IFI16: variants seen among roughly 807,000 people sequenced by gnomAD.
IFI16 encodes the protein gamma-interferon-inducible protein 16.
A neutral mutation model predicts 68.4 loss-of-function variants in IFI16; 49 were observed. The observed-to-expected ratio is 0.72, with a 90% CI of 0.57 to 0.91. The LOEUF is 0.91. IFI16 is among the 40% of genes least tolerant of loss of function. The pLI is 0.00. For missense variants in IFI16, 878 were observed against 942.9 expected (o/e 0.93, Z 0.90); for synonymous variants, 307 against 315.0 (o/e 0.97, Z 0.27).
At chr1:159,015,409 A>T (rs889657850) in intron 2 of IFI16, among the ~76,000 whole-genome samples, 29 of 152,082 alleles carry the variant, frequency 1.9e-4, no homozygotes, top group African/African-American at 7.0e-4. Flanking sequence ...ATATCAAGTT[A>T]AAAAAAAGGA....
At chr1:159,011,382 CAAA>C (rs67588505) in intron 1 of IFI16, among the ~76,000 whole-genome samples, 3 of 133,368 alleles carry the variant, frequency 2.2e-5, no homozygotes, top group Non-Finnish European at 3.1e-5. Context: ...GGCTCTGTCT[CAAA>C]AAAAAAAAAA....
At position 159,018,228 on chromosome 1, in the gene IFI16, G is replaced by T; in HGVS notation, c.550-1G>T. On this transcript the variant is annotated splice_acceptor_variant, in intron 4 of 11. Transcript: ENST00000295809. LOFTEE classifies it high-confidence loss of function. ...TTGTTCTCCTGTGCTATCATACACA[G>T]AACCCGAAAACAGTGGCCAAATGTC... 6.2e-7 allele frequency: 1 copy of T among 1,612,500 alleles called. No homozygotes were observed. Among genetic ancestry groups the T allele is most frequent in the South Asian group, 1.1e-5 (1 of 90,986 alleles).
rs763872348 is a variant in IFI16, at chr1:159,016,682, C to T, written c.531C>T (p.Pro177=). The T allele has an allele frequency of 6.2e-7, 1 of 1,613,860 alleles. No individual in the cohort carries two copies. Among genetic ancestry groups the T allele is most frequent in the East Asian group, 2.2e-5 (1 of 44,876 alleles). The part of the protein sequence containing the change: ...PSPKTSLSAP[P]NSSSTENPKT... Reference sequence around the variant, plus strand: ...CCAAGACCTCATTGTCAGCTCCACCCAACAGTTCTTCAACTGAGGTACACT... The same window carrying T: ...CCAAGACCTCATTGTCAGCTCCACCTAACAGTTCTTCAACTGAGGTACACT... Residue 177 remains proline (P), a synonymous_variant, in exon 4 of 12, where the codon CCC becomes CCT. Coordinates refer to ENST00000295809, the MANE Select transcript of IFI16 (RefSeq NM_001376587.1).
intron 1 of IFI16, among the ~76,000 whole-genome samples, chr1:159,011,731 C>T (rs1439880369): frequency 6.6e-6 from 1 of 152,060 alleles, no homozygotes; most frequent in African/African-American, 2.4e-5. Context: ...CATAGATAAA[C>T]TGGCTTTCTT....
At chr1:159,002,318 A>T (rs899302239), upstream of IFI16, among the ~76,000 whole-genome samples, 6 of 152,172 alleles carry the variant, frequency 3.9e-5, no homozygotes, top group Non-Finnish European at 8.8e-5. Flanking sequence ...TAAAAAAATT[A>T]AAAAAGAAAG....
In IFI16 at chr1:159,046,272, C is replaced by T. The variant is rs548884441; in HGVS notation, c.1497+808C>T. On this transcript the variant is annotated intron_variant, in intron 8 of 11. Coordinates refer to ENST00000295809, the MANE Select transcript of IFI16 (RefSeq NM_001376587.1). Reference sequence around the variant, plus strand: ...AATTATTTCCTTAGGTCCTGTGCACCTTGTGTCAGGGTACTAATGTCATGG... The same window carrying T: ...AATTATTTCCTTAGGTCCTGTGCACTTTGTGTCAGGGTACTAATGTCATGG... Among the ~76,000 whole-genome samples the T allele has an allele frequency of 7.6e-4, 115 of 151,086 alleles. 2 individuals are homozygous for T. Among genetic ancestry groups the T allele is most frequent in the South Asian group, 3.3e-3 (16 of 4,792 alleles).
At chr1:159,013,809 G>A (rs856067) in intron 1 of IFI16, among the ~76,000 whole-genome samples, 103,620 of 151,846 alleles carry the variant, frequency 0.68, 37,069 homozygotes, top group Admixed American at 0.81. Context: ...GATACAAGGA[G>A]TACAAAGGTA....
intron 7 of IFI16, among the ~76,000 whole-genome samples, 171 bp downstream of exon 7, chr1:159,032,862 T>C (rs1237376202): frequency 6.6e-6 from 1 of 152,104 alleles, no homozygotes; most frequent in East Asian, 1.9e-4. Context: ...TAGCACCACA[T>C]CATAATCTTT....
Position 159,051,693 on chromosome 1 carries a change from G to A in IFI16, c.1680G>A (p.Leu560=), listed in dbSNP as rs767639754. The A allele has an allele frequency of 6.2e-7, 1 of 1,610,936 alleles. No individual in the cohort carries two copies. The highest frequency in any genetic ancestry group is 8.5e-7 in the Non-Finnish European group (1 of 1,177,812). The change falls in exon 10 of 12, where the codon CTG becomes CTA. Residue 560 remains leucine (L), a synonymous_variant. Transcript: ENST00000295809. ...SSFLTTLKPR[L]KTEPEEVSIE... is the part of the protein sequence containing the mutation. ...TACCTTCTAAGTTGAAACCAAGACT[G>A]AAGACTGAACCTGAAGAAGTTTCCA...
chr1:159,016,711 C>G lies in IFI16; in HGVS notation c.549+11C>G, dbSNP rs373115195. On this transcript the variant is annotated intron_variant, in intron 4 of 11. Transcript: ENST00000295809. ...AGTTCTTCAACTGAGGTACACTCTT[C>G]CTGGTCCCATTTTGCTTTGTTTTTT... The G allele has an allele frequency of 1.8e-5, 29 of 1,601,144 alleles. No individual in the cohort carries two copies. In the African/African-American group the frequency reaches 3.6e-4, roughly 20 times the overall value.
rs201187989 is a variant in IFI16, at chr1:159,019,466, CT to C, written c.972+829del. Among the ~76,000 whole-genome samples, 777 of 143,618 alleles carry C rather than the reference CT, an allele frequency of 5.4e-3. 4 individuals carry two copies. Among genetic ancestry groups the C allele is most frequent in the African/African-American group, 0.013 (508 of 39,030 alleles). The allele number at this position is 143,618 out of a possible 152,430, so 94.2% of individuals were successfully genotyped here. On this transcript the variant is annotated intron_variant, in intron 5 of 11. Transcript: ENST00000295809. ...ACCTGCGTTACTTTCTGTACACAGT[CT>C]TTTTTTTTTTTTTGAGACGGAGTCT...
intron 1 of IFI16, among the ~76,000 whole-genome samples, chr1:159,012,297 A>G (rs904272387): frequency 3.3e-5 from 5 of 152,274 alleles, no homozygotes; most frequent in African/African-American, 1.2e-4. Context: ...AGATGAAAGC[A>G]CCTCTTCTGT....
At chr1:159,019,700 C>A (rs1049835794) in intron 5 of IFI16, among the ~76,000 whole-genome samples, 5 of 152,146 alleles carry the variant, frequency 3.3e-5, no homozygotes, top group Non-Finnish European at 7.3e-5. Flanking sequence ...ACCTCGTGAT[C>A]TGCCCACCTC....
chr1:159,032,804 G>T, intron 7 of IFI16, 113 bp downstream of exon 7: 2 of 836,038 alleles, frequency 2.4e-6, no homozygotes, highest in South Asian at 4.8e-5. Context: ...GTACAATCTT[G>T]GTATGAAATT....
intron 1 of IFI16, among the ~76,000 whole-genome samples, chr1:159,000,901 G>A (rs1652035865): frequency 6.6e-6 from 1 of 152,116 alleles, no homozygotes; most frequent in South Asian, 2.1e-4. Context: ...ATTATTTAAA[G>A]TGTGTAGCAC....
intron 6 of IFI16, among the ~76,000 whole-genome samples, chr1:159,028,385 A>G (rs910322371): frequency 2.6e-5 from 4 of 152,064 alleles, no homozygotes; most frequent in Non-Finnish European, 5.9e-5. Flanking sequence ...TACTTGATAT[A>G]ATTTCAATTT....
At chr1:159,001,505 A>G (rs1016055132), upstream of IFI16, among the ~76,000 whole-genome samples, 11 of 152,238 alleles carry the variant, frequency 7.2e-5, no homozygotes, top group Non-Finnish European at 1.3e-4. Context: ...AATTGAAAGT[A>G]TTTATAAAGT....
Position 159,011,347 on chromosome 1 carries a change from C to T in IFI16, c.-21+1186C>T, listed in dbSNP as rs181369139. 5.4e-4 allele frequency among the ~76,000 whole-genome samples: 82 copies of T among 150,888 alleles called. 1 individual carries two copies. In the South Asian group the frequency reaches 0.012, roughly 22 times the overall value. On this transcript the variant is annotated intron_variant, in intron 1 of 11. Coordinates refer to ENST00000295809, the MANE Select transcript of IFI16 (RefSeq NM_001376587.1). ...GCAGTGAGCCGAGACTGTGCCACTA[C>T]ACTCCAGCCTGGGTGACAGAGCAAG...
intron 6 of IFI16, among the ~76,000 whole-genome samples, chr1:159,023,324 G>T: frequency 6.6e-6 from 1 of 152,028 alleles, no homozygotes; most frequent in East Asian, 1.9e-4. Context: ...TATATTTAAA[G>T]CTATTTTATT....
Sources: allele counts gnomAD v4.1 joint callset (sites outside exome capture counted in the v4.1 genomes callset), GRCh38; gene constraint gnomAD v4.1.1; transcripts MANE v1.5; gene names NCBI Gene and HGNC (gene_info 2026-07-23, HGNC 2026-07-21).